ARHGEF6: variants seen among roughly 807,000 people sequenced by gnomAD.
The protein encoded by ARHGEF6 is rho guanine nucleotide exchange factor 6.
Under a neutral mutation model 70.3 loss-of-function variants are expected in ARHGEF6, and 9 were observed. That is an observed-to-expected ratio of 0.13 (90% confidence interval 0.08 to 0.22). The LOEUF is 0.22. Among genes scored for constraint, ARHGEF6 ranks in the 10% least tolerant of loss-of-function variants. ARHGEF6 has a pLI of 1.00. For missense variants in ARHGEF6, 470 were observed against 563.0 expected (o/e 0.83, Z 1.67); for synonymous variants, 201 against 207.8 (o/e 0.97, Z 0.28).
At chrX:136,771,227 T>C (rs2077361205) in intron 2 of ARHGEF6, among the ~76,000 whole-genome samples, 1 of 111,905 alleles carries the variant, frequency 8.9e-6, no homozygotes, top group African/African-American at 3.2e-5. Context: ...ACATCCCATG[T>C]TCATGGATTC....
chrX:136,696,166 A>G (rs146900557), intron 9 of ARHGEF6, among the ~76,000 whole-genome samples: 3,380 of 111,439 alleles, frequency 0.03, 57 homozygotes, highest in Non-Finnish European at 0.05. Context: ...TAGAATTGTG[A>G]AGTGAGACAT....
chrX:136,678,554 G>A (rs1367841259), intron 16 of ARHGEF6, among the ~76,000 whole-genome samples: 1 of 111,553 alleles, frequency 9.0e-6, no homozygotes, highest in Non-Finnish European at 1.9e-5. Context: ...CAAGTTGAAA[G>A]GATCAAAAAA....
intron 5 of ARHGEF6, 52 bp downstream of exon 5, chrX:136,743,533 C>T: frequency 8.8e-7 from 1 of 1,139,430 alleles, no homozygotes; most frequent in Non-Finnish European, 1.2e-6. Flanking sequence ...AGTAAGAATA[C>T]CAAGAAAGTA....
rs2076448461 is a variant in ARHGEF6, at chrX:136,690,615, T to A, written c.1180A>T (p.Met394Leu). 1 of 1,210,952 alleles carries A rather than the reference T, an allele frequency of 8.3e-7. No homozygotes were observed. The highest frequency in any genetic ancestry group is 1.1e-6 in the Non-Finnish European group (1 of 895,205). The change falls in exon 10 of 22, where the codon ATG (methionine) becomes TTG (leucine). Residue 394 changes from methionine to leucine, a missense_variant. Physicochemically the swap from Met to Leu is conservative, Grantham distance 15. This residue lies in a region of ARHGEF6 where 379 missense variants were observed against 449.3 expected (regional missense o/e 0.84). Transcript: ENST00000250617. ...AAAAGTTCACCTTCCCTTACCTCCATATGCCGTTCTAACTCTTGCAAGAGA... is the reference window on the plus strand; with the variant it reads ...AAAAGTTCACCTTCCCTTACCTCCAAATGCCGTTCTAACTCTTGCAAGAGA... ...VTLLQELERH[M>L]EDTHPDHQDI... is the part of the protein sequence containing the mutation.
chrX:136,707,442 G>T (rs1407185630), intron 8 of ARHGEF6, among the ~76,000 whole-genome samples: 1 of 111,682 alleles, frequency 9.0e-6, no homozygotes, highest in Admixed American at 9.5e-5. Context: ...TGCTACGCAG[G>T]GTGGCCTCAA....
chrX:136,758,003 AT>A (rs2077224827), intron 2 of ARHGEF6, among the ~76,000 whole-genome samples: 1 of 34,772 alleles, frequency 2.9e-5, no homozygotes, highest in Non-Finnish European at 5.8e-5. Context: ...AGGCTCATAT[AT>A]TTTCCATCAC....
intron 5 of ARHGEF6, among the ~76,000 whole-genome samples, chrX:136,740,139 G>A (rs2077028090): frequency 9.0e-6 from 1 of 111,125 alleles, no homozygotes; most frequent in East Asian, 2.8e-4. Flanking sequence ...CTCCCAAGTA[G>A]CTAGGACTAT....
At chrX:136,722,072 A>C (rs753324481) in intron 6 of ARHGEF6, among the ~76,000 whole-genome samples, 1 of 111,348 alleles carries the variant, frequency 9.0e-6, no homozygotes, top group Non-Finnish European at 1.9e-5. Flanking sequence ...CAATTAAAAA[A>C]AAAGACCATT....
At chrX:136,711,549 T>C (rs1224492019) in intron 7 of ARHGEF6, among the ~76,000 whole-genome samples, 1 of 111,642 alleles carries the variant, frequency 9.0e-6, no homozygotes, top group East Asian at 2.8e-4. Flanking sequence ...AAAAAATACT[T>C]TGTTTTTTGT....
chrX:136,680,639 A>G (rs976947907), intron 15 of ARHGEF6, 92 bp downstream of exon 15: 44 of 1,027,305 alleles, frequency 4.3e-5, no homozygotes, highest in South Asian at 5.7e-5. Flanking sequence ...CCAAAAGACT[A>G]AGGGTGTGCT....
Position 136,668,070 on chromosome X carries a change from T to C in ARHGEF6, c.2290A>G (p.Ile764Val). The change falls in exon 22 of 22, where the codon ATT becomes GTT. Residue 764 changes from isoleucine (I) to valine (V), a missense_variant. By Grantham distance (29) the Ile-to-Val change is conservative (BLOSUM62 3). Transcript: ENST00000250617. The part of the protein sequence containing the change: ...RRLLKQTDEC[I>V]RGESSSKTSI... ...GTCTTGCTACTGGACTCGCCTCGAA[T>C]ACACTCATCTGTTTGCTTCAAAAGC... 1 of 1,212,040 alleles carries C rather than the reference T, an allele frequency of 8.3e-7. No individual in the cohort carries two copies. Among genetic ancestry groups the C allele is most frequent in the Non-Finnish European group, 1.1e-6 (1 of 895,562 alleles).
chrX:136,756,131 T>C (rs1428858463), intron 2 of ARHGEF6, among the ~76,000 whole-genome samples: 1 of 111,461 alleles, frequency 9.0e-6, no homozygotes, highest in Admixed American at 9.5e-5. Flanking sequence ...TTGCAGAAAG[T>C]ATAATAAACT....
At chrX:136,687,806 T>C in intron 11 of ARHGEF6, 126 bp downstream of exon 11, 2 of 622,378 alleles carry the variant, frequency 3.2e-6, no homozygotes, top group South Asian at 4.5e-5. Context: ...ATCACTGCTA[T>C]ACTGTCATGA....
At chrX:136,744,076 C>A (rs1307119124) in intron 4 of ARHGEF6, among the ~76,000 whole-genome samples, 2 of 111,625 alleles carry the variant, frequency 1.8e-5, no homozygotes, top group Non-Finnish European at 3.8e-5. Context: ...ATCTATTTAA[C>A]TAAGCCAGAT....
At chrX:136,766,101 C>T (rs1481204466) in intron 2 of ARHGEF6, among the ~76,000 whole-genome samples, 3 of 111,918 alleles carry the variant, frequency 2.7e-5, no homozygotes, top group Non-Finnish European at 5.6e-5. Flanking sequence ...GAAGAGAAAT[C>T]CTTGGAAATG....
chrX:136,705,467 G>C (rs1244519610), intron 9 of ARHGEF6, among the ~76,000 whole-genome samples: 1 of 111,411 alleles, frequency 9.0e-6, no homozygotes, highest in Admixed American at 9.5e-5. Flanking sequence ...ATATTTTTTA[G>C]AAGTCTGACA....
intron 9 of ARHGEF6, among the ~76,000 whole-genome samples, chrX:136,697,623 G>A (rs1340277103): frequency 1.8e-5 from 2 of 112,503 alleles, no homozygotes; most frequent in African/African-American, 6.5e-5. Flanking sequence ...TCATTCCAGA[G>A]TGACTGCATG....
chrX:136,671,134 A>G (rs919669122), intron 20 of ARHGEF6, among the ~76,000 whole-genome samples: 1 of 112,272 alleles, frequency 8.9e-6, no homozygotes, highest in African/African-American at 3.2e-5. Flanking sequence ...TTAACCTCAC[A>G]ACAACTCTGA....
intron 3 of ARHGEF6, among the ~76,000 whole-genome samples, chrX:136,745,548 C>T (rs2077087802): frequency 9.0e-6 from 1 of 111,673 alleles, no homozygotes; most frequent in Non-Finnish European, 1.9e-5. Flanking sequence ...TACTGGCCAT[C>T]GTGCTCCAGT....
Sources: allele counts gnomAD v4.1 joint callset (sites outside exome capture counted in the v4.1 genomes callset), GRCh38; gene constraint gnomAD v4.1.1; regional missense constraint gnomAD v4.1.1; transcripts MANE v1.5; gene names NCBI Gene and HGNC (gene_info 2026-07-23, HGNC 2026-07-21).